Variants in UBE2W observed in about 807,000 individuals in gnomAD.
UBE2W encodes ubiquitin-conjugating enzyme E2 W.
In UBE2W, 18 loss-of-function variants were observed where a neutral mutation model predicts 27.2. That is an observed-to-expected ratio of 0.66 (90% CI 0.46 to 0.98). UBE2W has a LOEUF of 0.98. UBE2W is among the 50% of genes least tolerant of loss of function. The probability of loss-of-function intolerance (pLI) is 0.00; values close to 1 mark genes in which losing one functional copy is unlikely to be tolerated. For missense variants in UBE2W, 90 were observed against 180.2 expected, an observed-to-expected ratio of 0.50 and a Z score of 2.87; for synonymous variants, 53 against 57.2, an observed-to-expected ratio of 0.93 and a Z score of 0.33.
At chr8:73,843,602 T>C (rs1343260908) in intron 1 of UBE2W, among the ~76,000 whole-genome samples, 1 of 151,980 alleles carries the variant, frequency 6.6e-6, no homozygotes, top group Non-Finnish European at 1.5e-5. Flanking sequence ...GCCACTGCAC[T>C]CCAGCCTGAG....
intron 1 of UBE2W, among the ~76,000 whole-genome samples, chr8:73,845,807 CAAT>C (rs1810774840): frequency 6.6e-6 from 1 of 151,304 alleles, no homozygotes; most frequent in Non-Finnish European, 1.5e-5. Flanking sequence ...ATTTTAAGAA[CAAT>C]GATGTCAGCA....
At chr8:73,873,569 T>A (rs1032023477) in intron 1 of UBE2W, among the ~76,000 whole-genome samples, 3 of 152,014 alleles carry the variant, frequency 2.0e-5, no homozygotes, top group Admixed American at 6.6e-5. Flanking sequence ...AGTGGGAGGA[T>A]CACCCGAGCC....
chr8:73,872,854 T>A (rs184732461), intron 1 of UBE2W, among the ~76,000 whole-genome samples: 38 of 152,260 alleles, frequency 2.5e-4, no homozygotes, highest in Middle Eastern at 3.4e-3. Context: ...TGAGTAAAAT[T>A]ATAATTGTAA....
rs1808153290 is a variant in UBE2W, at chr8:73,790,681, T to C, written c.*3421A>G. ...AGTACCTCCTCTTCTCTTCTATTTTTAGGAAGAAGTTATAACAAGTTTTAA... is the reference window on the plus strand; with the variant it reads ...AGTACCTCCTCTTCTCTTCTATTTTCAGGAAGAAGTTATAACAAGTTTTAA... On this transcript the variant is annotated 3_prime_UTR_variant, in exon 6 of 6. Coordinates refer to ENST00000602593, the MANE Select transcript of UBE2W (RefSeq NM_018299.6). 1 of 981,464 alleles carries C rather than the reference T, an allele frequency of 1.0e-6. No homozygotes were observed. The highest frequency in any genetic ancestry group is 1.2e-6 in the Non-Finnish European group (1 of 826,310). The allele number at this position is 981,464 out of a possible 1,614,324, so 60.8% of individuals were successfully genotyped here. A position where few individuals can be genotyped will look rare whatever the true frequency, so the allele number is the denominator to read the frequency against.
chr8:73,876,005 T>C (rs568075318), intron 1 of UBE2W, among the ~76,000 whole-genome samples: 1 of 152,174 alleles, frequency 6.6e-6, no homozygotes, highest in Admixed American at 6.5e-5. Flanking sequence ...TGAGCCAAGA[T>C]GGCATCACTG....
chr8:73,805,474 A>AAAAAAAAAAAAAAAC lies in UBE2W; in HGVS notation c.442+176_442+177insGTTTTTTTTTTTTTT, dbSNP rs1563578043. Among the ~76,000 whole-genome samples, 4 of 144,408 alleles carry AAAAAAAAAAAAAAAC rather than the reference A, an allele frequency of 2.8e-5. 1 individual carries two copies. Among genetic ancestry groups the AAAAAAAAAAAAAAAC allele is most frequent in the African/African-American group, 1.0e-4 (4 of 39,912 alleles). 94.7% of individuals were successfully genotyped at this position (144,408 alleles called of 152,430 possible). ...CATCTCAAAAAAAAAAAAAAAAACAAAAAAAACTAGGGTAATTCATCCATT... is the reference window on the plus strand; with the variant it reads ...CATCTCAAAAAAAAAAAAAAAAACAAAAAAAAAAAAAAAACAAAAAACTAGGGTAATTCATCCATT... On this transcript the variant is annotated intron_variant, in intron 5 of 5. Transcript: ENST00000602593.
chr8:73,829,574 CAT>C (rs1491313117), intron 2 of UBE2W, among the ~76,000 whole-genome samples: 2 of 18,990 alleles, frequency 1.1e-4, no homozygotes, highest in African/African-American at 2.6e-4. Flanking sequence ...ATGTGTATTA[CAT>C]TTTTTTTTTT....
downstream of UBE2W, among the ~76,000 whole-genome samples, chr8:73,783,286 T>C (rs1207377449): frequency 1.3e-5 from 2 of 152,218 alleles, no homozygotes; most frequent in African/African-American, 4.8e-5. Flanking sequence ...AAGAAATCTT[T>C]GTCAAATCCA....
intron 1 of UBE2W, among the ~76,000 whole-genome samples, chr8:73,837,003 T>A (rs147355035): frequency 6.6e-6 from 1 of 152,144 alleles, no homozygotes. Context: ...TAGCCAAATA[T>A]TACCCTTGTC....
At chr8:73,834,912 A>T (rs564825163) in intron 1 of UBE2W, among the ~76,000 whole-genome samples, 4 of 152,308 alleles carry the variant, frequency 2.6e-5, no homozygotes, top group African/African-American at 9.6e-5. Context: ...CCATCTCAAT[A>T]AAATAAAATA....
intron 1 of UBE2W, among the ~76,000 whole-genome samples, chr8:73,835,727 A>T (rs773163725): frequency 1.3e-5 from 2 of 152,140 alleles, no homozygotes; most frequent in African/African-American, 4.8e-5. Flanking sequence ...TGGGCGAGAG[A>T]GCGAGACTTT....
chr8:73,830,784 C>G (rs1297750270), intron 1 of UBE2W, among the ~76,000 whole-genome samples: 1 of 152,148 alleles, frequency 6.6e-6, no homozygotes, highest in Non-Finnish European at 1.5e-5. Context: ...CCACACTCAG[C>G]CTGCACTTTT....
At chr8:73,815,086 A>C (rs535465098) in intron 3 of UBE2W, among the ~76,000 whole-genome samples, 1 of 152,326 alleles carries the variant, frequency 6.6e-6, no homozygotes, top group African/African-American at 2.4e-5. Flanking sequence ...AAAAATAAGA[A>C]TGAACAGGGG....
chr8:73,811,443 T>A (rs1355190722), intron 3 of UBE2W, among the ~76,000 whole-genome samples: 1 of 152,166 alleles, frequency 6.6e-6, no homozygotes, highest in African/African-American at 2.4e-5. Flanking sequence ...TCATATATCC[T>A]GAGGAATCTG....
chr8:73,834,834 G>A (rs368264387), intron 1 of UBE2W, among the ~76,000 whole-genome samples: 7 of 152,250 alleles, frequency 4.6e-5, no homozygotes, highest in South Asian at 4.1e-4. Flanking sequence ...GCTTGAACTC[G>A]GGAGGCGGAG....
At chr8:73,870,157 A>G (rs1811942774) in intron 1 of UBE2W, 1 of 1,117,912 alleles carries the variant, frequency 8.9e-7, no homozygotes, top group African/African-American at 1.6e-5. Context: ...TATTTCAATT[A>G]GAAGAAAAAA....
intron 1 of UBE2W, among the ~76,000 whole-genome samples, chr8:73,875,144 A>G (rs988702493): frequency 2.6e-5 from 4 of 152,328 alleles, no homozygotes; most frequent in Admixed American, 6.5e-5. Flanking sequence ...AAAAAAGAAA[A>G]TGAGTAAAGA....
At chr8:73,844,361 C>T (rs563534111) in intron 1 of UBE2W, among the ~76,000 whole-genome samples, 1 of 152,328 alleles carries the variant, frequency 6.6e-6, no homozygotes, top group East Asian at 1.9e-4. Context: ...GTTGGCTGGG[C>T]TGGTCTCCAG....
At position 73,855,580 on chromosome 8, in the gene UBE2W, T is replaced by C. The variant is rs1458843552; in HGVS notation, c.15+23228A>G. On this transcript the variant is annotated intron_variant, in intron 1 of 5. Coordinates refer to ENST00000602593, the MANE Select transcript of UBE2W (RefSeq NM_018299.6). Reference sequence around the variant, plus strand: ...CCACACCCAGCTAATTTTTTTTGTATTTTTTGGTAGACATGGAGTTTCACC... The same window carrying C: ...CCACACCCAGCTAATTTTTTTTGTACTTTTTGGTAGACATGGAGTTTCACC... Among the ~76,000 whole-genome samples the C allele has an allele frequency of 2.0e-5, 3 of 151,748 alleles. No homozygotes were observed. In the East Asian group the frequency reaches 5.9e-4, roughly 30 times the overall value.
Sources: gnomAD v4.1 joint callset for allele counts (sites outside exome capture counted in the v4.1 genomes callset) on GRCh38, gnomAD v4.1.1 for gene constraint, MANE v1.5 for transcripts, NCBI Gene and HGNC (gene_info 2026-07-23, HGNC 2026-07-21) for gene names.